Variants in RERE observed in about 807,000 individuals in gnomAD.
The protein encoded by RERE is arginine-glutamic acid dipeptide repeats protein.
In RERE, 40 loss-of-function variants were observed where a neutral mutation model predicts 146.1. The observed-to-expected ratio is 0.27, with a 90% confidence interval of 0.21 to 0.36. The LOEUF is 0.36. RERE is among the 10% of genes least tolerant of loss of function. RERE has a pLI of 1.00. For synonymous variants in RERE, 1,003 were observed against 866.0 expected (o/e 1.16, Z -2.78); for missense variants, 1,933 against 2,138.7 (o/e 0.90, Z 1.90).
At chr1:8,355,636 C>T in intron 21 of RERE, 37 bp from the exon 22 acceptor site, 4 of 1,530,902 alleles carry the variant, frequency 2.6e-6, no homozygotes, top group Non-Finnish European at 3.5e-6. Flanking sequence ...ACAGAAATAG[C>T]CAGAGGACTG....
chr1:8,688,682 C>T (rs1167897408), intron 1 of RERE, among the ~76,000 whole-genome samples: 1 of 152,212 alleles, frequency 6.6e-6, no homozygotes, highest in Non-Finnish European at 1.5e-5. Flanking sequence ...GAGCTATGAT[C>T]GTGCCACTGG....
intron 1 of RERE, among the ~76,000 whole-genome samples, chr1:8,793,380 T>C (rs994494614): frequency 6.6e-6 from 1 of 152,128 alleles, no homozygotes; most frequent in Non-Finnish European, 1.5e-5. Flanking sequence ...AACATTTCCA[T>C]CCTTTACAGT....
intron 4 of RERE, among the ~76,000 whole-genome samples, chr1:8,575,945 T>C (rs1432539894): frequency 1.3e-5 from 2 of 152,114 alleles, no homozygotes; most frequent in East Asian, 3.8e-4. Context: ...GAAGAACTGT[T>C]CTAAAATGAA....
At chr1:8,498,471 G>A (rs1000231568) in intron 8 of RERE, among the ~76,000 whole-genome samples, 9 of 151,814 alleles carry the variant, frequency 5.9e-5, no homozygotes, top group Non-Finnish European at 1.2e-4. Context: ...TGAGGTGGGT[G>A]GATCACCTGA....
intron 7 of RERE, 29 bp from the exon 8 acceptor site, chr1:8,508,704 A>T (rs1461729124): frequency 6.4e-7 from 1 of 1,561,030 alleles, no homozygotes; most frequent in South Asian, 1.2e-5. Flanking sequence ...AGATTAAGTT[A>T]GCGCAATACA....
Position 8,817,515 on chromosome 1 carries a change from T to G in RERE, c.-500A>C, listed in dbSNP as rs900678134. 2 of 136,044 alleles carry G rather than the reference T, an allele frequency of 1.5e-5. No individual in the cohort carries two copies. Among genetic ancestry groups the G allele is most frequent in the South Asian group, 2.3e-4 (1 of 4,350 alleles). 8.4% of individuals were successfully genotyped at this position (136,044 alleles called of 1,614,324 possible). ...GAGAGAAAATGAGGCAGAGACAATG[T>G]GGGGAGCGAGAGAGGGGAAAAGGAC... On this transcript the variant is annotated 5_prime_UTR_variant, in exon 1 of 23. Transcript: ENST00000400908.
intron 10 of RERE, among the ~76,000 whole-genome samples, chr1:8,490,675 G>T (rs929554524): frequency 4.7e-5 from 7 of 150,320 alleles, no homozygotes; most frequent in Non-Finnish European, 1.0e-4. Flanking sequence ...TATGCCCAAA[G>T]AAGTCACACA....
At chr1:8,472,407 A>G (rs1205113749) in intron 10 of RERE, among the ~76,000 whole-genome samples, 1 of 152,214 alleles carries the variant, frequency 6.6e-6, no homozygotes, top group Non-Finnish European at 1.5e-5. Context: ...CCATATTGCT[A>G]AGGTAAAATG....
intron 11 of RERE, among the ~76,000 whole-genome samples, chr1:8,455,971 C>T (rs755186980): frequency 6.6e-6 from 1 of 152,174 alleles, no homozygotes; most frequent in Non-Finnish European, 1.5e-5. Context: ...TATCAGAACA[C>T]TACTAGGGAA....
At chr1:8,605,075 C>A (rs1570499727) in intron 4 of RERE, among the ~76,000 whole-genome samples, 1 of 152,186 alleles carries the variant, frequency 6.6e-6, no homozygotes, top group Admixed American at 6.5e-5. Context: ...TAACTAATTT[C>A]AGTAAAGTGA....
chr1:8,498,083 A>C (rs1399828712), intron 8 of RERE, among the ~76,000 whole-genome samples: 1 of 152,234 alleles, frequency 6.6e-6, no homozygotes, highest in Admixed American at 6.5e-5. Context: ...AGTTGAGGCC[A>C]GGCCTGGTGG....
intron 4 of RERE, among the ~76,000 whole-genome samples, chr1:8,599,654 C>T (rs958693451): frequency 4.6e-5 from 7 of 152,142 alleles, no homozygotes; most frequent in Non-Finnish European, 8.8e-5. Flanking sequence ...CCTGTGCCAC[C>T]AACAAATCAC....
At chr1:8,365,056 C>T (rs750991682) in intron 13 of RERE, among the ~76,000 whole-genome samples, 2 of 152,190 alleles carry the variant, frequency 1.3e-5, no homozygotes, top group Non-Finnish European at 2.9e-5. Flanking sequence ...GGACAGAGGG[C>T]CTGTGTGTGA....
At chr1:8,644,253 T>C (rs868715618) in intron 2 of RERE, among the ~76,000 whole-genome samples, 1 of 152,280 alleles carries the variant, frequency 6.6e-6, no homozygotes, top group Middle Eastern at 3.4e-3. Flanking sequence ...AAGGTAGACA[T>C]ACTATATTTA....
Position 8,498,702 on chromosome 1 carries a change from A to T in RERE, c.880-1173T>A, listed in dbSNP as rs552674284. 1.6e-3 allele frequency among the ~76,000 whole-genome samples: 211 copies of T among 134,204 alleles called. 2 individuals are homozygous for T. In the South Asian group the frequency reaches 0.026, roughly 17 times the overall value. The allele number at this position is 134,204 out of a possible 152,430, so 88.0% of individuals were successfully genotyped here. Reference sequence around the variant, plus strand: ...CAGAGCAAGACTCCATCTCAAAAAAAAAAAAAATAAAAAAAAAAAAATAAA... The same window carrying T: ...CAGAGCAAGACTCCATCTCAAAAAATAAAAAAATAAAAAAAAAAAAATAAA... On this transcript the variant is annotated intron_variant, in intron 8 of 22. Transcript: ENST00000400908.
intron 1 of RERE, among the ~76,000 whole-genome samples, chr1:8,775,962 T>G (rs1445836494): frequency 6.6e-6 from 1 of 152,228 alleles, no homozygotes; most frequent in African/African-American, 2.4e-5. Context: ...TCTTGGATTC[T>G]GCATCTGTGC....
chr1:8,647,521 T>C (rs910323567), intron 2 of RERE, among the ~76,000 whole-genome samples: 6 of 152,140 alleles, frequency 3.9e-5, no homozygotes, highest in African/African-American at 1.4e-4. Flanking sequence ...CCACAAAATA[T>C]GAATGTTTCA....
At chr1:8,518,481 T>G (rs1418367504) in intron 7 of RERE, among the ~76,000 whole-genome samples, 1 of 152,234 alleles carries the variant, frequency 6.6e-6, no homozygotes, top group Non-Finnish European at 1.5e-5. Context: ...GCAGGAAGAC[T>G]GACATGGCAT....
chr1:8,361,176 GCCCTGTGGGGGAA>G lies in RERE; in HGVS notation c.2318_2330del (p.Val773AlafsTer53). 1 of 1,462,276 alleles carries G rather than the reference GCCCTGTGGGGGAA, an allele frequency of 6.8e-7. No homozygotes were observed. The highest frequency in any genetic ancestry group is 9.0e-7 in the Non-Finnish European group (1 of 1,113,176). 90.6% of individuals were successfully genotyped at this position (1,462,276 alleles called of 1,614,324 possible). A position where few individuals can be genotyped will look rare whatever the true frequency, so the allele number is the denominator to read the frequency against. The stretch of plus-strand genomic sequence containing the variant: ...TAGGGGCCTGGGAGGCCGTGGGGGA[GCCCTGTGGGGGAA>G]CTGCAGTGGCAGAGGGCGTGGGCCC... On this transcript the variant is annotated frameshift_variant, in exon 18 of 23. Coordinates refer to ENST00000400908, the MANE Select transcript of RERE (RefSeq NM_001042681.2). LOFTEE classifies it high-confidence loss of function.
Sources: gnomAD v4.1 joint callset for allele counts (sites outside exome capture counted in the v4.1 genomes callset) on GRCh38, gnomAD v4.1.1 for gene constraint, MANE v1.5 for transcripts, NCBI Gene and HGNC (gene_info 2026-07-23, HGNC 2026-07-21) for gene names.